The following FAM131C variants were observed in gnomAD, a reference collection of about 807,000 sequenced individuals.
FAM131C encodes the protein family with sequence similarity 131 member C.
A neutral mutation model predicts 29.8 loss-of-function variants in FAM131C; 14 were observed. That is an observed-to-expected ratio of 0.47 (90% confidence interval 0.31 to 0.73). The LOEUF (loss-of-function observed/expected upper bound fraction) is 0.73. FAM131C is among the 30% of genes least tolerant of loss of function. The probability of loss-of-function intolerance (pLI) is 0.05; values close to 1 mark genes in which losing one functional copy is unlikely to be tolerated. For missense variants in FAM131C, 252 were observed against 383.8 expected (o/e 0.66, Z 2.87); for synonymous variants, 86 against 157.8 (o/e 0.54, Z 3.41).
intron 1 of FAM131C, among the ~76,000 whole-genome samples, chr1:16,070,221 G>T (rs1274514449): frequency 1.3e-5 from 2 of 152,212 alleles, no homozygotes; most frequent in Non-Finnish European, 2.9e-5. Flanking sequence ...TCACAGGGTT[G>T]AATGAGAACT....
chr1:16,068,779 C>T (rs2023713720), intron 1 of FAM131C, among the ~76,000 whole-genome samples: 1 of 152,170 alleles, frequency 6.6e-6, no homozygotes, highest in Admixed American at 6.5e-5. Flanking sequence ...CCAGCTCCTC[C>T]CCACTTCCTT....
At chr1:16,067,171 G>C (rs918694620) in intron 1 of FAM131C, among the ~76,000 whole-genome samples, 26 of 152,290 alleles carry the variant, frequency 1.7e-4, no homozygotes, top group African/African-American at 4.1e-4. Flanking sequence ...CTCAGTTGGG[G>C]TTCAGGTGCC....
intron 1 of FAM131C, among the ~76,000 whole-genome samples, chr1:16,065,825 T>A (rs1051041242): frequency 2.9e-4 from 44 of 152,184 alleles, no homozygotes; most frequent in Non-Finnish European, 6.2e-4. Flanking sequence ...TCATATCAGT[T>A]GTACCCAAAT....
chr1:16,068,712 C>T (rs60315061), intron 1 of FAM131C, among the ~76,000 whole-genome samples: 2,013 of 152,238 alleles, frequency 0.013, 43 homozygotes, highest in African/African-American at 0.046. Flanking sequence ...GTCCCTTTCT[C>T]TCCCCGTGCA....
intron 2 of FAM131C, 62 bp downstream of exon 2, chr1:16,063,459 G>T (rs772236479): frequency 1.2e-5 from 15 of 1,274,280 alleles, no homozygotes; most frequent in African/African-American, 1.2e-4. Flanking sequence ...TGCTCCCTGC[G>T]GGGAGGAGAC....
rs571523138 is a variant in FAM131C at position 16,073,515 on chromosome 1, C to T, written c.-73G>A. The T allele has an allele frequency of 1.9e-3, 1,814 of 940,416 alleles. 23 individuals are homozygous for T. The African/African-American group carries it at 0.026, about 14-fold the overall frequency. The allele number at this position is 940,416 out of a possible 1,614,324, so 58.3% of individuals were successfully genotyped here. A position where few individuals can be genotyped will look rare whatever the true frequency, so the allele number is the denominator to read the frequency against. On this transcript the variant is annotated 5_prime_UTR_variant, in exon 1 of 7. Transcript: ENST00000375662. ...CGGGGCGTTCATGTCTCCGCGGGCC[C>T]GGGGCTGAGCGCTGCGGAGCCAGAG... is the stretch of plus-strand genomic sequence containing the variant.
chr1:16,067,259 A>C (rs1296327129), intron 1 of FAM131C, among the ~76,000 whole-genome samples: 1 of 152,142 alleles, frequency 6.6e-6, no homozygotes, highest in Non-Finnish European at 1.5e-5. Context: ...GACGTCAGGT[A>C]ATGAACCAGC....
intron 4 of FAM131C, among the ~76,000 whole-genome samples, chr1:16,061,508 C>T (rs1257516225): frequency 1.3e-5 from 2 of 152,142 alleles, no homozygotes; most frequent in African/African-American, 4.8e-5. Flanking sequence ...TCCTGGGCAC[C>T]TAGAGAGGCC....
chr1:16,071,066 G>A (rs2023743609), intron 1 of FAM131C, among the ~76,000 whole-genome samples: 1 of 152,242 alleles, frequency 6.6e-6, no homozygotes, highest in South Asian at 2.1e-4. Flanking sequence ...CTTGGCCAAG[G>A]GTGGACGCAC....
intron 1 of FAM131C, among the ~76,000 whole-genome samples, chr1:16,066,483 T>C (rs1195422768): frequency 6.6e-6 from 1 of 152,242 alleles, no homozygotes; most frequent in Admixed American, 6.5e-5. Flanking sequence ...GAGCTAGTCC[T>C]GCCCCTCTCT....
chr1:16,069,510 C>G (rs2023726108), intron 1 of FAM131C, among the ~76,000 whole-genome samples: 2 of 152,238 alleles, frequency 1.3e-5, no homozygotes, highest in African/African-American at 4.8e-5. Context: ...GCCCCCAGTG[C>G]ATTGGATACC....
At chr1:16,060,907 C>G (rs10927898) in intron 4 of FAM131C, among the ~76,000 whole-genome samples, 62,940 of 151,700 alleles carry the variant, frequency 0.41, 13,710 homozygotes, top group East Asian at 0.7. Context: ...TAGGGGTTAC[C>G]GCAGGGACCC....
rs949319989 is a variant in FAM131C at position 16,066,733 on chromosome 1, C to A, written c.23-3097G>T. Among the ~76,000 whole-genome samples, 12 of 152,334 alleles carry A rather than the reference C, an allele frequency of 7.9e-5. No homozygotes were observed. The South Asian group carries it at 2.5e-3, about 32-fold the overall frequency. On this transcript the variant is annotated intron_variant, in intron 1 of 6. Transcript: ENST00000375662. ...AGTCTGTGCAGATGTGTGTGCACAA[C>A]ACACACAGAGTAAAAATTTTCTCTG...
At chr1:16,061,873 AG>A (rs2023598887) in intron 4 of FAM131C, among the ~76,000 whole-genome samples, 1 of 151,532 alleles carries the variant, frequency 6.6e-6, no homozygotes, top group African/African-American at 2.4e-5. Flanking sequence ...CCACCCCCTC[AG>A]AGCTTCTTGA....
chr1:16,073,297 C>T, intron 1 of FAM131C, 124 bp downstream of exon 1: 2 of 471,702 alleles, frequency 4.2e-6, no homozygotes, highest in Non-Finnish European at 6.5e-6. Flanking sequence ...ACGCCGCGTC[C>T]CCAGGGGTGC....
At chr1:16,069,947 T>C (rs1445190326) in intron 1 of FAM131C, among the ~76,000 whole-genome samples, 1 of 152,178 alleles carries the variant, frequency 6.6e-6, no homozygotes, top group Non-Finnish European at 1.5e-5. Flanking sequence ...AAGTTTTTTG[T>C]AGAGATGGGG....
intron 1 of FAM131C, among the ~76,000 whole-genome samples, chr1:16,068,043 C>T (rs1313942962): frequency 6.6e-6 from 1 of 152,196 alleles, no homozygotes; most frequent in Non-Finnish European, 1.5e-5. Context: ...GGGGTCAAAG[C>T]GTCCCCTCAT....
At chr1:16,071,582 TC>T (rs2023750151) in intron 1 of FAM131C, among the ~76,000 whole-genome samples, 1 of 152,260 alleles carries the variant, frequency 6.6e-6, no homozygotes, top group South Asian at 2.1e-4. Context: ...AACCCAACTT[TC>T]CTGGATGCAT....
At chr1:16,071,666 G>A (rs1204929487) in intron 1 of FAM131C, among the ~76,000 whole-genome samples, 3 of 152,182 alleles carry the variant, frequency 2.0e-5, no homozygotes, top group East Asian at 1.9e-4. Flanking sequence ...TCTGGGGGGC[G>A]CTGAGGAAGC....
Sources: gnomAD v4.1 joint callset for allele counts (sites outside exome capture counted in the v4.1 genomes callset) on GRCh38, gnomAD v4.1.1 for gene constraint, MANE v1.5 for transcripts, NCBI Gene and HGNC (gene_info 2026-07-23, HGNC 2026-07-21) for gene names.